Variants in CNTN4 observed in about 807,000 individuals in gnomAD.
CNTN4 encodes contactin-4.
In CNTN4, 77 loss-of-function variants were observed where a neutral mutation model predicts 122.5. The ratio of observed to expected loss-of-function variants is 0.63; its 90% CI spans 0.52 to 0.76. The LOEUF is 0.76. CNTN4 is among the 30% of genes least tolerant of loss of function. The pLI, the probability that CNTN4 is intolerant of heterozygous loss-of-function variation, is 0.00. For synonymous variants in CNTN4, 512 were observed against 447.0 expected (o/e 1.15, Z -1.83); for missense variants, 1,256 against 1,259.1 (o/e 1.00, Z 0.04).
chr3:2,313,337 A>G (rs1054855808), intron 2 of CNTN4, among the ~76,000 whole-genome samples: 12 of 152,056 alleles, frequency 7.9e-5, no homozygotes, highest in African/African-American at 2.7e-4. Flanking sequence ...AATTATATAA[A>G]TTAACTCATG....
At chr3:2,648,568 A>G (rs142587656) in intron 4 of CNTN4, among the ~76,000 whole-genome samples, 86 of 152,214 alleles carry the variant, frequency 5.6e-4, no homozygotes, top group African/African-American at 1.8e-3. Flanking sequence ...TAATCGATCA[A>G]TGTTGTACTC....
At chr3:2,813,107 C>T (rs2092650388) in intron 6 of CNTN4, among the ~76,000 whole-genome samples, 1 of 152,214 alleles carries the variant, frequency 6.6e-6, no homozygotes. Context: ...TCCACACACA[C>T]ACACAGGGAG....
In CNTN4 at chr3:2,164,214, AAG is replaced by A. The variant is rs564870107; in HGVS notation, c.-145+63581_-145+63582del. ...GAAAGCAAAATTAAAACAAAGAAGA[AAG>A]AGAGATTGCTTGAGGAAAAAAAAAA... On this transcript the variant is annotated intron_variant, in intron 2 of 24. Transcript: ENST00000418658. Among the ~76,000 whole-genome samples the A allele has an allele frequency of 2.4e-3, 369 of 152,220 alleles. 2 individuals carry two copies. Among genetic ancestry groups the A allele is most frequent in the African/African-American group, 8.5e-3 (355 of 41,544 alleles).
chr3:2,508,043 A>T (rs540845407), intron 3 of CNTN4, among the ~76,000 whole-genome samples: 3 of 152,150 alleles, frequency 2.0e-5, no homozygotes, highest in African/African-American at 7.2e-5. Flanking sequence ...TATTTTCTCC[A>T]CAGACTGTTT....
intron 8 of CNTN4, among the ~76,000 whole-genome samples, chr3:2,867,627 T>C (rs906663048): frequency 6.6e-6 from 1 of 152,066 alleles, no homozygotes; most frequent in African/African-American, 2.4e-5. Flanking sequence ...CTCCTTTCCT[T>C]AGTCCCATCC....
chr3:2,344,790 C>T (rs939932517), intron 3 of CNTN4, among the ~76,000 whole-genome samples: 4 of 152,136 alleles, frequency 2.6e-5, no homozygotes, highest in African/African-American at 9.7e-5. Flanking sequence ...GAAATAGACC[C>T]TCCATAACTG....
chr3:2,448,648 A>G (rs2048713932), intron 3 of CNTN4, among the ~76,000 whole-genome samples: 1 of 152,188 alleles, frequency 6.6e-6, no homozygotes, highest in East Asian at 1.9e-4. Flanking sequence ...GATTCTCTGA[A>G]TGGATATATT....
chr3:2,829,211 A>G (rs1404862694), intron 7 of CNTN4, among the ~76,000 whole-genome samples: 2 of 152,182 alleles, frequency 1.3e-5, no homozygotes, highest in South Asian at 2.1e-4. Context: ...TTTAATCAGC[A>G]TAGAATAATG....
At chr3:2,482,665 C>T (rs1052210938) in intron 3 of CNTN4, among the ~76,000 whole-genome samples, 4 of 152,162 alleles carry the variant, frequency 2.6e-5, no homozygotes, top group Non-Finnish European at 4.4e-5. Context: ...TGGTGCCCTG[C>T]ATCCCAGCCA....
At chr3:2,927,258 G>A (rs1474499622) in intron 13 of CNTN4, 1 of 454,244 alleles carries the variant, frequency 2.2e-6, no homozygotes, top group Non-Finnish European at 4.4e-6. Flanking sequence ...CCTGAGTTCT[G>A]GCTTATAACA....
At chr3:2,873,504 T>C (rs2093809565) in intron 8 of CNTN4, among the ~76,000 whole-genome samples, 1 of 152,202 alleles carries the variant, frequency 6.6e-6, no homozygotes, top group Non-Finnish European at 1.5e-5. Flanking sequence ...CACAAACTTC[T>C]AAATTTAAGA....
chr3:2,588,983 A>G (rs1171542504), intron 4 of CNTN4, among the ~76,000 whole-genome samples: 1 of 152,168 alleles, frequency 6.6e-6, no homozygotes, highest in African/African-American at 2.4e-5. Flanking sequence ...TGGGGCTAAG[A>G]TGTAATAATA....
chr3:2,940,710 T>A (rs924267910), intron 13 of CNTN4, among the ~76,000 whole-genome samples: 1 of 148,396 alleles, frequency 6.7e-6, no homozygotes, highest in Non-Finnish European at 1.5e-5. Context: ...GAAGAGAAGA[T>A]GAGTAAAGTC....
chr3:2,776,967 CTTTTTG>C (rs1175853037), intron 6 of CNTN4, among the ~76,000 whole-genome samples: 1 of 148,928 alleles, frequency 6.7e-6, no homozygotes, highest in Non-Finnish European at 1.5e-5. Flanking sequence ...CACCATGCAT[CTTTTTG>C]TTTTGTTTTG....
chr3:2,904,012 T>C (rs190476181), intron 12 of CNTN4, among the ~76,000 whole-genome samples: 1 of 152,094 alleles, frequency 6.6e-6, no homozygotes, highest in Admixed American at 6.5e-5. Flanking sequence ...AAAAGATAAA[T>C]CTATGGACGT....
chr3:3,040,218 A>G lies in CNTN4; in HGVS notation c.2345A>G (p.Asn782Ser), dbSNP rs767286058. The stretch of plus-strand genomic sequence containing the variant: ...GAGGTTAAAGTAGGTGTCTTCAACA[A>G]CAAAGGAGAAGGCCCTTTCAGTCCC... Reference protein sequence around the residue: ...PFEVKVGVFNNKGEGPFSPTT... With the variant: ...PFEVKVGVFNSKGEGPFSPTT... The change falls in exon 20 of 25, where the codon AAC (asparagine) becomes AGC (serine). Residue 782 changes from asparagine (N) to serine (S), a missense_variant. Coordinates refer to ENST00000418658, the MANE Select transcript of CNTN4 (RefSeq NM_175607.3). 6.5e-5 allele frequency: 105 copies of G among 1,614,098 alleles called. No homozygotes were observed. The highest frequency in any genetic ancestry group is 8.8e-5 in the Non-Finnish European group (104 of 1,180,034).
intron 7 of CNTN4, among the ~76,000 whole-genome samples, chr3:2,861,197 T>C (rs1247209409): frequency 6.6e-6 from 1 of 152,158 alleles, no homozygotes; most frequent in Non-Finnish European, 1.5e-5. Context: ...GCTGATTAAA[T>C]CCCGAAGCCA....
At chr3:2,892,036 C>T (rs1466117015) in intron 10 of CNTN4, among the ~76,000 whole-genome samples, 1 of 152,154 alleles carries the variant, frequency 6.6e-6, no homozygotes, top group Non-Finnish European at 1.5e-5. Flanking sequence ...TCATTTCATT[C>T]CTACATCTGT....
chr3:2,872,929 T>C (rs2150897471), intron 8 of CNTN4, among the ~76,000 whole-genome samples: 1 of 152,276 alleles, frequency 6.6e-6, no homozygotes, highest in South Asian at 2.1e-4. Flanking sequence ...AAGTCCTCAC[T>C]CATTTTTCAC....
Sources: allele counts gnomAD v4.1 joint callset (sites outside exome capture counted in the v4.1 genomes callset), GRCh38; gene constraint gnomAD v4.1.1; transcripts MANE v1.5; gene names NCBI Gene and HGNC (gene_info 2026-07-23, HGNC 2026-07-21).